Variants in GABRG3 observed in about 807,000 individuals in gnomAD.
GABRG3 encodes the protein gamma-aminobutyric acid receptor subunit gamma-3.
GABRG3 carries 25 observed loss-of-function variants against 48.8 expected under a neutral mutation model. The ratio of observed to expected loss-of-function variants is 0.51; its 90% confidence interval spans 0.37 to 0.72. The LOEUF (loss-of-function observed/expected upper bound fraction) is 0.72, where lower values mean the gene tolerates loss of function less well. Among genes scored for constraint, GABRG3 ranks in the 30% least tolerant of loss-of-function variants. The pLI, the probability that GABRG3 is intolerant of heterozygous loss-of-function variation, is 0.00. For synonymous variants in GABRG3, 227 were observed against 217.6 expected, an observed-to-expected ratio of 1.04 and a Z score of -0.38; for missense variants, 394 against 577.9, an observed-to-expected ratio of 0.68 and a Z score of 3.26.
chr15:27,435,687 C>A (rs111711605), intron 5 of GABRG3, among the ~76,000 whole-genome samples: 1 of 152,172 alleles, frequency 6.6e-6, no homozygotes, highest in East Asian at 1.9e-4. Flanking sequence ...CTTAAGTTTA[C>A]GGTATTGGAA....
intron 3 of GABRG3, among the ~76,000 whole-genome samples, chr15:27,223,250 T>G (rs551110752): frequency 6.6e-6 from 1 of 152,310 alleles, no homozygotes; most frequent in Admixed American, 6.5e-5. Flanking sequence ...AGAATATATT[T>G]TTTCTACTGA....
intron 5 of GABRG3, among the ~76,000 whole-genome samples, chr15:27,459,155 T>C (rs75698921): frequency 0.018 from 2,672 of 152,346 alleles, 53 homozygotes; most frequent in Middle Eastern, 0.085. Flanking sequence ...CGATGTGATG[T>C]GTGATACCTT....
At chr15:27,074,478 G>T (rs976647715) in intron 3 of GABRG3, among the ~76,000 whole-genome samples, 8 of 151,836 alleles carry the variant, frequency 5.3e-5, no homozygotes, top group African/African-American at 1.9e-4. Context: ...AAGAGTCCAA[G>T]CTTGGCTTGG....
rs1277307559 is a variant in GABRG3, at chr15:26,971,219, G to C, written c.-317G>C. ...AGCCCCGGCCTGGGCACCCGCGCCC[G>C]CTCGCGGCTCCAGGCGGGGTGGGCG... is the stretch of plus-strand genomic sequence containing the variant. On this transcript the variant is annotated 5_prime_UTR_variant, in exon 1 of 10. Coordinates refer to ENST00000615808, the MANE Select transcript of GABRG3 (RefSeq NM_033223.5). The C allele has an allele frequency of 6.6e-6, 1 of 151,474 alleles. No individual in the cohort carries two copies. The highest frequency in any genetic ancestry group is 1.5e-5 in the Non-Finnish European group (1 of 67,968). The allele number at this position is 151,474 out of a possible 1,614,324, so 9.4% of individuals were successfully genotyped here. A position where few individuals can be genotyped will look rare whatever the true frequency, so the allele number is the denominator to read the frequency against.
intron 3 of GABRG3, among the ~76,000 whole-genome samples, chr15:27,216,187 G>A (rs9972496): frequency 0.063 from 9,540 of 152,276 alleles, 552 homozygotes; most frequent in East Asian, 0.16. Context: ...GCCTTTGTGG[G>A]CATTGCAGAC....
chr15:27,111,867 G>C (rs147662652), intron 3 of GABRG3, among the ~76,000 whole-genome samples: 1 of 152,266 alleles, frequency 6.6e-6, no homozygotes, highest in African/African-American at 2.4e-5. Flanking sequence ...CCCAGGGTGG[G>C]ATGGATTTTC....
intron 3 of GABRG3, among the ~76,000 whole-genome samples, chr15:27,172,209 G>A (rs923560494): frequency 1.1e-4 from 16 of 152,202 alleles, no homozygotes; most frequent in Admixed American, 3.3e-4. Context: ...TATACGTGGA[G>A]CAAAAATGTG....
chr15:27,369,806 CAAAAAAAAAAAAAA>C (rs34901488), intron 5 of GABRG3, among the ~76,000 whole-genome samples: 2 of 30,270 alleles, frequency 6.6e-5, no homozygotes, highest in Admixed American at 3.9e-4. Context: ...GACTCCGTCT[CAAAAAAAAAAAAAA>C]AAAAAAAAAA....
At chr15:27,226,037 A>G (rs1431601476) in intron 3 of GABRG3, among the ~76,000 whole-genome samples, 2 of 152,158 alleles carry the variant, frequency 1.3e-5, no homozygotes, top group Non-Finnish European at 2.9e-5. Context: ...AAATGGCAAC[A>G]TGGATGCTTT....
chr15:27,225,906 A>G (rs1005915116), intron 3 of GABRG3, among the ~76,000 whole-genome samples: 5 of 152,134 alleles, frequency 3.3e-5, no homozygotes, highest in African/African-American at 4.8e-5. Context: ...GGAGGAGCCC[A>G]GATGAGAGAC....
intron 3 of GABRG3, among the ~76,000 whole-genome samples, chr15:27,245,268 C>T (rs1890236820): frequency 6.6e-6 from 1 of 152,124 alleles, no homozygotes; most frequent in African/African-American, 2.4e-5. Flanking sequence ...AACAACCCAG[C>T]CGTTTGGAAA....
chr15:27,080,612 C>T (rs1896977369), intron 3 of GABRG3, among the ~76,000 whole-genome samples: 1 of 152,134 alleles, frequency 6.6e-6, no homozygotes, highest in African/African-American at 2.4e-5. Flanking sequence ...GACCTTGTCT[C>T]TAAAAATAAA....
chr15:27,145,603 C>CTCTATCTATCTATCTATCTATCATCCA (rs71132803), intron 3 of GABRG3, among the ~76,000 whole-genome samples: 4 of 102,298 alleles, frequency 3.9e-5, no homozygotes, highest in Non-Finnish European at 6.5e-5. Flanking sequence ...ATATATCTAT[C>CTCTATCTATCTATCTATCTATCATCCA]TCTATCTATC....
At chr15:27,497,709 TTG>T (rs1427686610) in intron 6 of GABRG3, among the ~76,000 whole-genome samples, 1 of 152,242 alleles carries the variant, frequency 6.6e-6, no homozygotes, top group Non-Finnish European at 1.5e-5. Flanking sequence ...TTTTGATATG[TTG>T]TGTGTTTCAT....
intron 3 of GABRG3, among the ~76,000 whole-genome samples, chr15:27,206,406 G>A (rs1395883767): frequency 6.6e-6 from 1 of 152,134 alleles, no homozygotes; most frequent in African/African-American, 2.4e-5. Context: ...ATTGTGCTGT[G>A]GTCTGAAAGT....
At chr15:27,241,673 C>T (rs776663030) in intron 3 of GABRG3, among the ~76,000 whole-genome samples, 5 of 152,236 alleles carry the variant, frequency 3.3e-5, no homozygotes, top group Non-Finnish European at 5.9e-5. Flanking sequence ...TTCTGACACA[C>T]ATCAGCCGCT....
rs534741848 is a variant in GABRG3 at position 27,291,748 on chromosome 15, C to T, written c.271-35061C>T. 3.3e-5 allele frequency among the ~76,000 whole-genome samples: 5 copies of T among 152,324 alleles called. No homozygotes were observed. In the South Asian group the frequency reaches 1.0e-3, roughly 32 times the overall value. On this transcript the variant is annotated intron_variant, in intron 3 of 9. Coordinates refer to ENST00000615808, the MANE Select transcript of GABRG3 (RefSeq NM_033223.5). ...TGCGTCCTCAGTGGCAGAGTGGAAA[C>T]TGTGAACCCACATGGTTTGACTACA...
intron 5 of GABRG3, among the ~76,000 whole-genome samples, chr15:27,378,993 T>G (rs773365389): frequency 1.9e-4 from 29 of 152,184 alleles, no homozygotes; most frequent in Non-Finnish European, 1.8e-4. Context: ...TAAGTTTGTG[T>G]ATGAATGTGT....
At chr15:27,296,359 A>C (rs554064416) in intron 3 of GABRG3, among the ~76,000 whole-genome samples, 1 of 152,298 alleles carries the variant, frequency 6.6e-6, no homozygotes, top group African/African-American at 2.4e-5. Context: ...TGTCATATAC[A>C]ATAAGACAAG....
Sources: gnomAD v4.1 joint callset for allele counts (sites outside exome capture counted in the v4.1 genomes callset) on GRCh38, gnomAD v4.1.1 for gene constraint, MANE v1.5 for transcripts, NCBI Gene and HGNC (gene_info 2026-07-23, HGNC 2026-07-21) for gene names.